FHIT: variants seen among roughly 807,000 people sequenced by gnomAD.
FHIT encodes the protein fragile histidine triad diadenosine triphosphatase, also known as bis(5'-adenosyl)-triphosphatase.
Under a neutral mutation model 17.9 loss-of-function variants are expected in FHIT, and 19 were observed. The observed-to-expected ratio is 1.06, with a 90% confidence interval of 0.74 to 1.56. FHIT has a LOEUF of 1.56. FHIT is among the 40% of genes most tolerant of loss of function. The pLI is 0.00. For synonymous variants in FHIT, 81 were observed against 69.7 expected (o/e 1.16, Z -0.81); for missense variants, 248 against 189.2 (o/e 1.31, Z -1.82).
At chr3:61,127,170 G>C (rs988137610) in intron 2 of FHIT, among the ~76,000 whole-genome samples, 12 of 152,260 alleles carry the variant, frequency 7.9e-5, no homozygotes, top group African/African-American at 2.4e-4. Flanking sequence ...TCAACCAAAA[G>C]ATGTGAAGAA....
intron 5 of FHIT, among the ~76,000 whole-genome samples, chr3:60,154,510 G>C (rs1204583366): frequency 2.6e-5 from 4 of 152,142 alleles, no homozygotes; most frequent in African/African-American, 4.8e-5. Context: ...ATTTATCTAA[G>C]ATGACAAGAG....
intron 3 of FHIT, among the ~76,000 whole-genome samples, chr3:61,000,281 C>G (rs1466551593): frequency 6.6e-6 from 1 of 152,208 alleles, no homozygotes; most frequent in African/African-American, 2.4e-5. Flanking sequence ...CAGTGCATTA[C>G]AGAGTCCATG....
chr3:60,485,853 C>T (rs1018180573), intron 5 of FHIT, among the ~76,000 whole-genome samples: 3 of 152,226 alleles, frequency 2.0e-5, no homozygotes, highest in South Asian at 2.1e-4. Context: ...TAAGGACCCA[C>T]GGATTGTTCA....
At chr3:60,269,332 C>T (rs1337902590) in intron 5 of FHIT, among the ~76,000 whole-genome samples, 1 of 152,140 alleles carries the variant, frequency 6.6e-6, no homozygotes, top group African/African-American at 2.4e-5. Flanking sequence ...TTTTCCTGTC[C>T]ATTCATTTGA....
At chr3:60,683,389 C>G (rs529846030) in intron 4 of FHIT, among the ~76,000 whole-genome samples, 2 of 152,016 alleles carry the variant, frequency 1.3e-5, no homozygotes, top group Non-Finnish European at 2.9e-5. Flanking sequence ...CCACTTCTGC[C>G]CTCAACAACC....
At chr3:60,660,550 G>A (rs572482327) in intron 4 of FHIT, among the ~76,000 whole-genome samples, 59 of 152,118 alleles carry the variant, frequency 3.9e-4, no homozygotes, top group African/African-American at 1.3e-3. Context: ...ATGCCATGCA[G>A]TTGTTCTCTA....
At chr3:59,906,490 A>G (rs929261425) in intron 8 of FHIT, among the ~76,000 whole-genome samples, 27 of 152,328 alleles carry the variant, frequency 1.8e-4, no homozygotes, top group African/African-American at 6.0e-4. Context: ...AGACCCCTAA[A>G]AATTAAAAAC....
At chr3:61,051,652 T>A (rs1047802976) in intron 2 of FHIT, among the ~76,000 whole-genome samples, 4 of 152,158 alleles carry the variant, frequency 2.6e-5, no homozygotes. Flanking sequence ...GCCCTGGAAA[T>A]GTTTCTGATA....
At chr3:60,931,123 CA>C (rs1553771634) in intron 3 of FHIT, among the ~76,000 whole-genome samples, 1 of 151,014 alleles carries the variant, frequency 6.6e-6, no homozygotes, top group African/African-American at 2.4e-5. Flanking sequence ...GAGAAAAAAC[CA>C]AACACTGCAT....
chr3:60,433,360 T>C (rs1403891101), intron 5 of FHIT, among the ~76,000 whole-genome samples: 9 of 152,152 alleles, frequency 5.9e-5, no homozygotes, highest in African/African-American at 1.7e-4. Context: ...TTAACTATTA[T>C]GAATAATGCT....
intron 5 of FHIT, among the ~76,000 whole-genome samples, chr3:60,199,927 GC>G (rs1702820050): frequency 6.6e-6 from 1 of 152,078 alleles, no homozygotes; most frequent in Admixed American, 6.6e-5. Flanking sequence ...TAACTCCATT[GC>G]CTTAACTGAG....
At chr3:60,175,712 C>T (rs1701639315) in intron 5 of FHIT, among the ~76,000 whole-genome samples, 1 of 152,118 alleles carries the variant, frequency 6.6e-6, no homozygotes, top group African/African-American at 2.4e-5. Context: ...AACAAGAACA[C>T]CTCTACCTCC....
rs1191407338 is a variant in FHIT, at chr3:59,768,387, C to T, written c.349-16066G>A. Reference sequence around the variant, plus strand: ...CCATCTCATGTGAGTAGGAGTTATTCTTTAAACAACTGCCTTGTATCTCAC... The same window carrying T: ...CCATCTCATGTGAGTAGGAGTTATTTTTTAAACAACTGCCTTGTATCTCAC... On this transcript the variant is annotated intron_variant, in intron 8 of 9. Transcript: ENST00000492590. Among the ~76,000 whole-genome samples the T allele has an allele frequency of 3.9e-5, 6 of 152,022 alleles. No individual in the cohort carries two copies. The East Asian group carries it at 9.6e-4, about 24-fold the overall frequency.
intron 3 of FHIT, among the ~76,000 whole-genome samples, chr3:60,840,949 T>C (rs1268838113): frequency 6.6e-6 from 1 of 152,240 alleles, no homozygotes; most frequent in South Asian, 2.1e-4. Context: ...TCTTATCATG[T>C]ACATTTTGCT....
Position 60,245,171 on chromosome 3 carries a change from A to AAATAACCACAATAAATCAGTACTG in FHIT, c.104-231043_104-231020dup, listed in dbSNP as rs1705329931. ...GAGCTTCATTTAATGAATATAATGA[A>AAATAACCACAATAAATCAGTACTG]AATAACCACAATAAATCAGTACTGA... On this transcript the variant is annotated intron_variant, in intron 5 of 9. Transcript: ENST00000492590. Among the ~76,000 whole-genome samples the AAATAACCACAATAAATCAGTACTG allele has an allele frequency of 7.9e-5, 12 of 152,234 alleles. No homozygotes were observed. The South Asian group carries it at 2.5e-3, about 32-fold the overall frequency.
At chr3:60,779,168 T>A (rs1287894122) in intron 4 of FHIT, among the ~76,000 whole-genome samples, 1 of 152,212 alleles carries the variant, frequency 6.6e-6, no homozygotes, top group Non-Finnish European at 1.5e-5. Flanking sequence ...TAAAGTCTAT[T>A]TTGCAAAGCA....
At chr3:61,236,931 C>G (rs2040243788) in intron 1 of FHIT, among the ~76,000 whole-genome samples, 1 of 152,218 alleles carries the variant, frequency 6.6e-6, no homozygotes, top group Non-Finnish European at 1.5e-5. Flanking sequence ...CATGCCCTTA[C>G]ATGATCTACC....
At chr3:60,955,611 T>TATATACACATATATATATATAC (rs1553778525) in intron 3 of FHIT, among the ~76,000 whole-genome samples, 1 of 16,896 alleles carries the variant, frequency 5.9e-5, no homozygotes, top group African/African-American at 1.2e-4. Context: ...TATATATATA[T>TATATACACATATATATATATAC]ATATATATAT....
At chr3:59,999,134 G>C (rs1699630071) in intron 7 of FHIT, among the ~76,000 whole-genome samples, 1 of 151,972 alleles carries the variant, frequency 6.6e-6, no homozygotes, top group African/African-American at 2.4e-5. Flanking sequence ...CGACAAATGG[G>C]GCAGCAGATT....
Sources: gnomAD v4.1 joint callset for allele counts (sites outside exome capture counted in the v4.1 genomes callset) on GRCh38, gnomAD v4.1.1 for gene constraint, MANE v1.5 for transcripts, NCBI Gene and HGNC (gene_info 2026-07-23, HGNC 2026-07-21) for gene names.